The following SEMA6D variants were observed in gnomAD, a reference collection of about 807,000 sequenced individuals.
SEMA6D encodes the protein semaphorin-6D.
In SEMA6D, 35 loss-of-function variants were observed where a neutral mutation model predicts 106.6. That is an observed-to-expected ratio of 0.33 (90% CI 0.25 to 0.44). The LOEUF (loss-of-function observed/expected upper bound fraction) is 0.44, where lower values mean the gene tolerates loss of function less well. SEMA6D is among the 20% of genes least tolerant of loss of function. The probability of loss-of-function intolerance (pLI) is 1.00; values close to 1 mark genes in which losing one functional copy is unlikely to be tolerated. For missense variants in SEMA6D, 1,185 were observed against 1,345.9 expected, an observed-to-expected ratio of 0.88 and a Z score of 1.87; for synonymous variants, 499 against 487.7, an observed-to-expected ratio of 1.02 and a Z score of -0.31.
chr15:47,434,654 AT>A (rs2041646139), intron 2 of SEMA6D, among the ~76,000 whole-genome samples: 1 of 152,118 alleles, frequency 6.6e-6, no homozygotes, highest in African/African-American at 2.4e-5. Context: ...ATTTGATCCA[AT>A]TTTGTATCCT....
chr15:47,693,703 G>A (rs534470034), intron 4 of SEMA6D, among the ~76,000 whole-genome samples: 9 of 152,262 alleles, frequency 5.9e-5, no homozygotes, highest in Admixed American at 2.6e-4. Context: ...GGGAGGGCAA[G>A]GAGGGAGAAT....
chr15:47,727,352 A>C (rs1178256285), intron 1 of SEMA6D, among the ~76,000 whole-genome samples: 1 of 152,200 alleles, frequency 6.6e-6, no homozygotes, highest in Admixed American at 6.5e-5. Context: ...CTGTGTTTTT[A>C]AGGAACACTT....
At chr15:47,217,566 G>GGT (rs146342466) in intron 1 of SEMA6D, among the ~76,000 whole-genome samples, 13,693 of 145,736 alleles carry the variant, frequency 0.094, 882 homozygotes, top group East Asian at 0.28. Flanking sequence ...CGCGTGCACG[G>GGT]GTGTGTGTGT....
chr15:47,406,232 A>G (rs1347160788), intron 1 of SEMA6D, among the ~76,000 whole-genome samples: 1 of 152,256 alleles, frequency 6.6e-6, no homozygotes, highest in African/African-American at 2.4e-5. Flanking sequence ...AGCTCAGTCT[A>G]TATGAACATA....
upstream of SEMA6D, among the ~76,000 whole-genome samples, chr15:47,712,651 T>C (rs1278722570): frequency 6.6e-6 from 1 of 152,254 alleles, no homozygotes; most frequent in Non-Finnish European, 1.5e-5. Flanking sequence ...TATATATTTT[T>C]AGAAGTAAAT....
rs1296336866 is a variant in SEMA6D at position 47,590,353 on chromosome 15, G to C, written c.-86-10512G>C. ...AATGAGAACACTTAGACACAGGGCG[G>C]GGAACATCACACACCAGGGCCTGTC... On this transcript the variant is annotated intron_variant, in intron 3 of 19. Coordinates refer to the SEMA6D transcript ENST00000558014. 2.0e-5 allele frequency among the ~76,000 whole-genome samples: 3 copies of C among 150,920 alleles called. No individual in the cohort carries two copies. The East Asian group carries it at 5.9e-4, about 30-fold the overall frequency.
intron 3 of SEMA6D, among the ~76,000 whole-genome samples, chr15:47,580,353 T>C (rs2076234446): frequency 6.6e-6 from 1 of 152,174 alleles, no homozygotes; most frequent in South Asian, 2.1e-4. Flanking sequence ...AAGCAATCGA[T>C]AGTTAAAATC....
chr15:47,500,244 A>C (rs1342729041), intron 3 of SEMA6D, among the ~76,000 whole-genome samples: 1 of 152,106 alleles, frequency 6.6e-6, no homozygotes, highest in East Asian at 1.9e-4. Flanking sequence ...CTGATGGTGC[A>C]CTTTCATTCT....
intron 2 of SEMA6D, among the ~76,000 whole-genome samples, chr15:47,441,607 A>G (rs2041885998): frequency 1.3e-5 from 2 of 152,162 alleles, no homozygotes; most frequent in Admixed American, 6.6e-5. Context: ...AGTTTTGGCA[A>G]CAGCAGATCC....
In SEMA6D at chr15:47,230,331, A is replaced by C. The variant is rs576137611; in HGVS notation, c.-239+45913A>C. 1.5e-4 allele frequency among the ~76,000 whole-genome samples: 23 copies of C among 152,224 alleles called. No individual in the cohort carries two copies. The South Asian group carries it at 2.3e-3, about 15-fold the overall frequency. ...AAAGTTGTATATCTTGAATATACAA[A>C]TACTTTTCATGAATGCTAGATTTCC... is the stretch of plus-strand genomic sequence containing the variant. On this transcript the variant is annotated intron_variant, in intron 1 of 19. Coordinates refer to the SEMA6D transcript ENST00000558014.
intron 4 of SEMA6D, among the ~76,000 whole-genome samples, chr15:47,711,059 C>CA (rs2079007795): frequency 6.6e-6 from 1 of 151,928 alleles, no homozygotes; most frequent in Non-Finnish European, 1.5e-5. Context: ...CCTGTAATCC[C>CA]AGCACTTTGG....
chr15:47,448,172 T>C (rs2042084155), intron 2 of SEMA6D, among the ~76,000 whole-genome samples: 1 of 152,128 alleles, frequency 6.6e-6, no homozygotes, highest in African/African-American at 2.4e-5. Flanking sequence ...ACTTGTCACC[T>C]TCTATGGTTC....
At chr15:47,729,276 A>G (rs1220410071) in intron 1 of SEMA6D, among the ~76,000 whole-genome samples, 1 of 152,180 alleles carries the variant, frequency 6.6e-6, no homozygotes, top group Non-Finnish European at 1.5e-5. Flanking sequence ...CAACACAAAC[A>G]TTGACCTCCT....
chr15:47,470,734 C>T (rs1183460031), intron 3 of SEMA6D, among the ~76,000 whole-genome samples: 2 of 152,026 alleles, frequency 1.3e-5, no homozygotes, highest in Non-Finnish European at 2.9e-5. Context: ...AGATTGGATT[C>T]TTGATTTAAT....
intron 3 of SEMA6D, among the ~76,000 whole-genome samples, chr15:47,552,801 TATAAAA>T (rs1157043084): frequency 1.9e-4 from 7 of 36,344 alleles, no homozygotes; most frequent in African/African-American, 9.9e-4. Flanking sequence ...TTTATATATA[TATAAAA>T]ATATATATAA....
At chr15:47,499,175 T>A (rs544225619) in intron 3 of SEMA6D, among the ~76,000 whole-genome samples, 2 of 152,132 alleles carry the variant, frequency 1.3e-5, no homozygotes. Flanking sequence ...ACGAAACTTG[T>A]TAAAGGTTGC....
chr15:47,517,439 G>A (rs186684271), intron 3 of SEMA6D, among the ~76,000 whole-genome samples: 62 of 152,020 alleles, frequency 4.1e-4, no homozygotes, highest in Middle Eastern at 3.4e-3. Flanking sequence ...CTCTCTATGC[G>A]TTCATTACAC....
intron 1 of SEMA6D, among the ~76,000 whole-genome samples, chr15:47,348,304 C>T (rs941633709): frequency 1.3e-5 from 2 of 152,114 alleles, no homozygotes; most frequent in African/African-American, 2.4e-5. Context: ...ATCTCTCTTC[C>T]TCTCCTTCCT....
chr15:47,268,659 T>G (rs1014429845), intron 1 of SEMA6D, among the ~76,000 whole-genome samples: 1 of 152,182 alleles, frequency 6.6e-6, no homozygotes, highest in Non-Finnish European at 1.5e-5. Context: ...CTTTCTCTCT[T>G]ACATATTGTT....
Sources: allele counts gnomAD v4.1 joint callset (sites outside exome capture counted in the v4.1 genomes callset), GRCh38; gene constraint gnomAD v4.1.1; transcripts MANE v1.5; gene names NCBI Gene and HGNC (gene_info 2026-07-23, HGNC 2026-07-21).